Variants in SPATS2L observed in about 807,000 individuals in gnomAD.
SPATS2L encodes spermatogenesis associated serine rich 2 like.
Under a neutral mutation model 59.6 loss-of-function variants are expected in SPATS2L, and 30 were observed. The ratio of observed to expected loss-of-function variants is 0.50; its 90% CI spans 0.38 to 0.68. The LOEUF (loss-of-function observed/expected upper bound fraction) is 0.68, where lower values mean the gene tolerates loss of function less well. Ranked by LOEUF, SPATS2L falls within the 30% of genes least tolerant of loss-of-function variation. SPATS2L has a pLI of 0.00. For synonymous variants in SPATS2L, 252 were observed against 263.5 expected, an observed-to-expected ratio of 0.96 and a Z score of 0.42; for missense variants, 615 against 700.0, an observed-to-expected ratio of 0.88 and a Z score of 1.37.
intron 3 of SPATS2L, among the ~76,000 whole-genome samples, chr2:200,400,116 TAAAATACCAAAAAC>T (rs1372022270): frequency 6.6e-6 from 1 of 152,116 alleles, no homozygotes; most frequent in Non-Finnish European, 1.5e-5. Context: ...CTACTCTGAT[TAAAATACCAAAAAC>T]AAAATGCCAA....
At chr2:200,363,776 T>C (rs2081183751) in intron 2 of SPATS2L, among the ~76,000 whole-genome samples, 1 of 152,214 alleles carries the variant, frequency 6.6e-6, no homozygotes, top group South Asian at 2.1e-4. Context: ...AGTGCTTTAG[T>C]GTGTACCTTT....
At chr2:200,392,729 G>T (rs1182578133) in intron 3 of SPATS2L, among the ~76,000 whole-genome samples, 2 of 152,120 alleles carry the variant, frequency 1.3e-5, no homozygotes, top group Non-Finnish European at 2.9e-5. Flanking sequence ...TGAAGTGGGG[G>T]GTGGTCTTGT....
intron 2 of SPATS2L, among the ~76,000 whole-genome samples, chr2:200,386,061 A>C (rs1406423413): frequency 2.0e-5 from 3 of 152,110 alleles, no homozygotes; most frequent in Non-Finnish European, 2.9e-5. Context: ...CTAGTTCCCC[A>C]TTGCCTCTGT....
At chr2:200,372,191 C>A in intron 2 of SPATS2L, 1 of 985,384 alleles carries the variant, frequency 1.0e-6, no homozygotes, top group Non-Finnish European at 1.2e-6. Context: ...GCAAAAACAA[C>A]ATTGTTTCTC....
chr2:200,450,163 T>C (rs939127374), intron 8 of SPATS2L, among the ~76,000 whole-genome samples: 1 of 152,260 alleles, frequency 6.6e-6, no homozygotes, highest in Admixed American at 6.5e-5. Flanking sequence ...AATACTGTTA[T>C]CACTTTCTAG....
intron 8 of SPATS2L, among the ~76,000 whole-genome samples, chr2:200,444,792 A>G (rs947212280): frequency 2.6e-5 from 4 of 152,054 alleles, no homozygotes; most frequent in African/African-American, 9.7e-5. Flanking sequence ...TTCCCAACAG[A>G]CAGGGTGAAC....
chr2:200,334,246 A>G (rs1179394704), intron 2 of SPATS2L, among the ~76,000 whole-genome samples: 11 of 152,208 alleles, frequency 7.2e-5, no homozygotes, highest in Non-Finnish European at 1.5e-4. Context: ...CATTTCTCTG[A>G]TGGCCAGTGA....
At chr2:200,418,075 G>A (rs1397417460) in intron 5 of SPATS2L, among the ~76,000 whole-genome samples, 2 of 152,042 alleles carry the variant, frequency 1.3e-5, no homozygotes, top group Non-Finnish European at 2.9e-5. Flanking sequence ...GTAAAACTCC[G>A]CATTTTAGAC....
chr2:200,412,409 C>G lies in SPATS2L; in HGVS notation c.138C>G (p.Ala46=), dbSNP rs780794247. 2 of 1,588,852 alleles carry G rather than the reference C, an allele frequency of 1.3e-6. No homozygotes were observed. Among genetic ancestry groups the G allele is most frequent in the Non-Finnish European group, 8.6e-7 (1 of 1,163,816 alleles). Residue 46 remains alanine, a synonymous_variant, in exon 4 of 13, where the codon GCC becomes GCG. Coordinates refer to ENST00000409140, the MANE Select transcript of SPATS2L (RefSeq NM_001100423.2). Reference sequence around the variant, plus strand: ...TTAATGTGGATAAAGCCGTGCAAGCCTTTGTGGATGGTAGGTATACCTGTA... The same window carrying G: ...TTAATGTGGATAAAGCCGTGCAAGCGTTTGTGGATGGTAGGTATACCTGTA... The part of the protein sequence containing the change: ...FDFNVDKAVQ[A]FVDGSAIQVL...
At chr2:200,306,653 C>T (rs1227724819), upstream of SPATS2L, 11 of 987,666 alleles carry the variant, frequency 1.1e-5, no homozygotes, top group Non-Finnish European at 1.3e-5. Flanking sequence ...GGGCAGCCTG[C>T]GAGGGGCGGG....
At chr2:200,309,889 C>T (rs1196185580) in intron 1 of SPATS2L, among the ~76,000 whole-genome samples, 1 of 152,144 alleles carries the variant, frequency 6.6e-6, no homozygotes, top group Non-Finnish European at 1.5e-5. Context: ...TGAATTTCTG[C>T]AGAAGCTTAT....
At chr2:200,463,156 A>G (rs536726780) in intron 9 of SPATS2L, 5 of 152,154 alleles carry the variant, frequency 3.3e-5, no homozygotes, top group East Asian at 3.9e-4. Flanking sequence ...TATCAACACT[A>G]TGTCTTCTCC....
chr2:200,406,765 T>C (rs1364370304), intron 3 of SPATS2L, among the ~76,000 whole-genome samples: 1 of 152,224 alleles, frequency 6.6e-6, no homozygotes, highest in Non-Finnish European at 1.5e-5. Context: ...AGTGACCATA[T>C]CTGTTTTGTT....
chr2:200,415,001 G>A (rs959137735), intron 4 of SPATS2L, among the ~76,000 whole-genome samples: 13 of 152,150 alleles, frequency 8.5e-5, no homozygotes, highest in African/African-American at 2.9e-4. Flanking sequence ...AAACTGAAGC[G>A]TAGCTATAAG....
chr2:200,345,855 T>C (rs1174112808), intron 2 of SPATS2L, among the ~76,000 whole-genome samples: 1 of 152,218 alleles, frequency 6.6e-6, no homozygotes, highest in African/African-American at 2.4e-5. Flanking sequence ...GAGGGTTACA[T>C]AGCTGAGAGC....
intron 2 of SPATS2L, among the ~76,000 whole-genome samples, chr2:200,384,374 G>A (rs2081922691): frequency 6.6e-6 from 1 of 151,084 alleles, no homozygotes; most frequent in Non-Finnish European, 1.5e-5. Flanking sequence ...ATTTATTTGA[G>A]ATGGAGTCTT....
At chr2:200,451,820 G>A (rs1342801374) in intron 8 of SPATS2L, among the ~76,000 whole-genome samples, 3 of 138,806 alleles carry the variant, frequency 2.2e-5, no homozygotes, top group Admixed American at 7.3e-5. Flanking sequence ...TGCCCCCACC[G>A]TTTTCTTTTT....
At chr2:200,437,760 C>A (rs1230274592) in intron 6 of SPATS2L, among the ~76,000 whole-genome samples, 3 of 152,150 alleles carry the variant, frequency 2.0e-5, no homozygotes, top group African/African-American at 7.2e-5. Flanking sequence ...ATGGATTCAA[C>A]TGAAGTCTAA....
At chr2:200,335,777 AGGAC>A (rs2080121975) in intron 2 of SPATS2L, among the ~76,000 whole-genome samples, 2 of 152,354 alleles carry the variant, frequency 1.3e-5, no homozygotes, top group Non-Finnish European at 1.5e-5. Flanking sequence ...GAAATTGATT[AGGAC>A]TTGCATTTAC....
Sources: allele counts gnomAD v4.1 joint callset (sites outside exome capture counted in the v4.1 genomes callset), GRCh38; gene constraint gnomAD v4.1.1; transcripts MANE v1.5; gene names NCBI Gene and HGNC (gene_info 2026-07-23, HGNC 2026-07-21).